The following AMPD1 variants were observed in gnomAD, a reference collection of about 807,000 sequenced individuals.
AMPD1 encodes the protein adenosine monophosphate deaminase 1.
Under a neutral mutation model 82.9 loss-of-function variants are expected in AMPD1, and 74 were observed. The observed-to-expected ratio is 0.89, with a 90% CI of 0.74 to 1.08. AMPD1 has a LOEUF of 1.08. Among genes scored for constraint, AMPD1 ranks in the 50% least tolerant of loss-of-function variants. AMPD1 has a pLI of 0.00. For synonymous variants in AMPD1, 333 were observed against 320.5 expected, an observed-to-expected ratio of 1.04 and a Z score of -0.42; for missense variants, 881 against 924.5, an observed-to-expected ratio of 0.95 and a Z score of 0.61.
At chr1:114,676,317 T>C (rs1395532472) in intron 10 of AMPD1, 2 of 353,498 alleles carry the variant, frequency 5.7e-6, no homozygotes, top group African/African-American at 2.1e-5. Flanking sequence ...AAAGCTTCAA[T>C]ATATGTGTGT....
intron 8 of AMPD1, 145 bp downstream of exon 8, chr1:114,678,188 C>A: frequency 2.1e-6 from 3 of 1,456,398 alleles, no homozygotes; most frequent in Non-Finnish European, 1.9e-6. Context: ...TGACAATGAG[C>A]AAACTTCAAA....
At chr1:114,682,027 C>T (rs768224645) in intron 5 of AMPD1, among the ~76,000 whole-genome samples, 3 of 152,234 alleles carry the variant, frequency 2.0e-5, no homozygotes, top group Non-Finnish European at 4.4e-5. Flanking sequence ...GTGTTCCCTT[C>T]TTTCCACTGC....
chr1:114,689,635 G>A (rs1188800810), intron 2 of AMPD1, among the ~76,000 whole-genome samples: 1 of 152,110 alleles, frequency 6.6e-6, no homozygotes, highest in African/African-American at 2.4e-5. Context: ...TGGCCAACAT[G>A]GCGAAACCCT....
chr1:114,683,170 G>T, intron 5 of AMPD1: 1 of 461,334 alleles, frequency 2.2e-6, no homozygotes, highest in East Asian at 6.4e-5. Flanking sequence ...AAAGTGCTAT[G>T]GAAAGTCAGA....
At chr1:114,694,682 GA>G (rs1298767611) in intron 1 of AMPD1, among the ~76,000 whole-genome samples, 1 of 151,602 alleles carries the variant, frequency 6.6e-6, no homozygotes, top group Non-Finnish European at 1.5e-5. Flanking sequence ...TGTCTCTACA[GA>G]AAATACAAAA....
At chr1:114,687,131 C>G in intron 3 of AMPD1, 1 of 585,564 alleles carries the variant, frequency 1.7e-6, no homozygotes. Flanking sequence ...ATGGCCTTAG[C>G]AATCCTACTA....
chr1:114,674,663 G>A (rs536782701), intron 13 of AMPD1, 89 bp downstream of exon 13: 44 of 1,473,916 alleles, frequency 3.0e-5, no homozygotes, highest in East Asian at 4.5e-5. Flanking sequence ...TTGCAGTGTC[G>A]ATAATGACTT....
chr1:114,676,271 C>G, intron 10 of AMPD1: 2 of 427,870 alleles, frequency 4.7e-6, no homozygotes, highest in South Asian at 4.3e-5. Context: ...ACCTTCACAG[C>G]TAAGTCCTCA....
At chr1:114,684,451 C>A in intron 4 of AMPD1, 87 bp from the exon 5 acceptor site, 1 of 1,413,068 alleles carries the variant, frequency 7.1e-7, no homozygotes, top group Non-Finnish European at 9.8e-7. Flanking sequence ...CACCTCCCAG[C>A]TCTCCTGTGT....
intron 4 of AMPD1, among the ~76,000 whole-genome samples, chr1:114,686,240 T>C (rs191503391): frequency 6.6e-6 from 1 of 152,148 alleles, no homozygotes; most frequent in Non-Finnish European, 1.5e-5. Context: ...CTCTCTCATC[T>C]TCCTTCTTTT....
chr1:114,685,623 C>CT (rs1438824268), intron 4 of AMPD1, among the ~76,000 whole-genome samples: 1 of 152,146 alleles, frequency 6.6e-6, no homozygotes, highest in African/African-American at 2.4e-5. Flanking sequence ...AGAAGTACTC[C>CT]TTGACTTGTG....
rs536037850 is a variant in AMPD1 at position 114,679,675 on chromosome 1, G to C, written c.801C>G (p.Leu267=). 1.6e-5 allele frequency: 26 copies of C among 1,614,056 alleles called. No homozygotes were observed. The East Asian group carries it at 5.1e-4, about 32-fold the overall frequency. The stretch of plus-strand genomic sequence containing the variant: ...TCTGATGGACCTGGAACTTGGAGGA[G>C]AGGAACTTCAGGCGCCGGTGGGTAT... ...KTYTHRRLKF[L]SSKFQVHQML... is the part of the protein sequence containing the mutation. The change falls in exon 7 of 16, where the codon CTC becomes CTG. Residue 267 remains leucine (L), a synonymous_variant. Transcript: ENST00000520113.
At chr1:114,686,107 T>C (rs1291458144) in intron 4 of AMPD1, among the ~76,000 whole-genome samples, 1 of 152,192 alleles carries the variant, frequency 6.6e-6, no homozygotes, top group African/African-American at 2.4e-5. Flanking sequence ...TGACATGACT[T>C]TACTATCCCT....
intron 5 of AMPD1, among the ~76,000 whole-genome samples, chr1:114,681,439 A>G (rs1043511314): frequency 6.6e-6 from 1 of 151,902 alleles, no homozygotes; most frequent in African/African-American, 2.4e-5. Context: ...CACTAAAAAT[A>G]CGAAAATTAG....
In AMPD1 at chr1:114,680,471, A is replaced by T; in HGVS notation, c.555T>A (p.Thr185=). The change falls in exon 6 of 16, where the codon ACT becomes ACA. Residue 185 remains threonine (T), a synonymous_variant. Transcript: ENST00000520113. ...GGTCCTCTCCCTTCTTCACAGGAGG[A>T]GTAAAGACTTTTTCAATCAAACACA... ...VANESFYPVF[T]PPVKKGEDPF... 6.2e-7 allele frequency: 1 copy of T among 1,614,010 alleles called. No individual in the cohort carries two copies. The highest frequency in any genetic ancestry group is 8.5e-7 in the Non-Finnish European group (1 of 1,179,944).
chr1:114,694,665 G>A (rs1444519965), intron 1 of AMPD1, among the ~76,000 whole-genome samples: 2 of 151,896 alleles, frequency 1.3e-5, no homozygotes, highest in Non-Finnish European at 2.9e-5. Context: ...GCAACATAGC[G>A]AAACCCTGTC....
At chr1:114,688,523 G>T (rs926077505) in intron 3 of AMPD1, 38 bp downstream of exon 3, 11 of 1,607,330 alleles carry the variant, frequency 6.8e-6, no homozygotes, top group South Asian at 4.4e-5. Context: ...CCCCTCCTTA[G>T]GTGCCAATAT....
chr1:114,694,218 AAAAAACAAAAAC>A (rs566751722), intron 1 of AMPD1, among the ~76,000 whole-genome samples: 2 of 152,036 alleles, frequency 1.3e-5, no homozygotes, highest in South Asian at 2.1e-4. Flanking sequence ...TCTGTCTCTA[AAAAAACAAAAAC>A]AAAAACAAAA....
At chr1:114,686,683 C>G (rs1309635556) in intron 4 of AMPD1, 62 bp downstream of exon 4, 4 of 1,571,770 alleles carry the variant, frequency 2.5e-6, no homozygotes, top group Non-Finnish European at 3.5e-6. Context: ...AGGCAAGGAG[C>G]TAGAACTGTC....
Sources: gnomAD v4.1 joint callset for allele counts (sites outside exome capture counted in the v4.1 genomes callset) on GRCh38, gnomAD v4.1.1 for gene constraint, MANE v1.5 for transcripts, NCBI Gene and HGNC (gene_info 2026-07-23, HGNC 2026-07-21) for gene names.